The following CDH2 variants were observed in gnomAD, a reference collection of about 807,000 sequenced individuals.
CDH2 encodes the protein cadherin-2.
CDH2 carries 17 observed loss-of-function variants against 92.0 expected under a neutral mutation model. The observed-to-expected ratio is 0.18, with a 90% confidence interval of 0.13 to 0.28. The LOEUF (loss-of-function observed/expected upper bound fraction) is 0.28, where lower values mean the gene tolerates loss of function less well. Among genes scored for constraint, CDH2 ranks in the 10% least tolerant of loss-of-function variants. CDH2 has a pLI of 1.00. For synonymous variants in CDH2, 419 were observed against 415.9 expected (o/e 1.01, Z -0.09); for missense variants, 862 against 1,133.1 (o/e 0.76, Z 3.44).
chr18:27,978,760 C>G (rs893205011), intron 14 of CDH2, among the ~76,000 whole-genome samples: 4 of 152,040 alleles, frequency 2.6e-5, no homozygotes, highest in Non-Finnish European at 4.4e-5. Context: ...TCAAGCAGTC[C>G]TCCTATCTCA....
rs150141832 is a variant in CDH2, at chr18:28,009,800, T to A, written c.619A>T (p.Thr207Ser). Residue 207 changes from threonine (T) to serine (S), a missense_variant, in exon 5 of 16, where the codon ACT (threonine) becomes TCT (serine). Thr to Ser is a moderately conservative substitution (Grantham distance 58, BLOSUM62 1). Coordinates refer to ENST00000269141, the MANE Select transcript of CDH2 (RefSeq NM_001792.5). ...ATGGGGTTGATAATGAAGATACCAG[T>A]TGGAGGCTGGTCAGCTCCTGGCCCA... ...VTGPGADQPPTGIFIINPISG... is the reference protein window; with the variant it reads ...VTGPGADQPPSGIFIINPISG... 3.9e-5 allele frequency: 63 copies of A among 1,613,802 alleles called. 1 individual carries two copies. The highest frequency in any genetic ancestry group is 3.3e-4 in the Middle Eastern group (2 of 6,022).
rs547160014 is a variant in CDH2, at chr18:28,072,509, G to A, written c.173-58600C>T. ...GTAATCATGCACTTGTTAACTATCT[G>A]TCCCACTAGTTCCTTCAGGTCATGG... is the stretch of plus-strand genomic sequence containing the variant. On this transcript the variant is annotated intron_variant, in intron 2 of 15. Transcript: ENST00000269141. 3.9e-4 allele frequency among the ~76,000 whole-genome samples: 60 copies of A among 152,216 alleles called. 3 individuals carry two copies. In the South Asian group the frequency reaches 0.012, roughly 31 times the overall value.
At chr18:28,106,304 C>A (rs2015320129) in intron 2 of CDH2, among the ~76,000 whole-genome samples, 1 of 152,158 alleles carries the variant, frequency 6.6e-6, no homozygotes, top group Non-Finnish European at 1.5e-5. Flanking sequence ...GTAGTCCCAG[C>A]TACTCAGGAG....
At chr18:28,147,850 T>C in intron 1 of CDH2, 66 bp from the exon 2 acceptor site, 1 of 899,496 alleles carries the variant, frequency 1.1e-6, no homozygotes, top group South Asian at 1.5e-5. Context: ...TGAGAAACAT[T>C]CCACTTGGCA....
chr18:28,052,762 A>T (rs1438032102), intron 2 of CDH2, among the ~76,000 whole-genome samples: 1 of 152,210 alleles, frequency 6.6e-6, no homozygotes, highest in Non-Finnish European at 1.5e-5. Flanking sequence ...CATTGAAACA[A>T]GATGCCTTGT....
chr18:28,122,817 T>C (rs945156229), intron 2 of CDH2, among the ~76,000 whole-genome samples: 1 of 152,184 alleles, frequency 6.6e-6, no homozygotes, highest in Non-Finnish European at 1.5e-5. Flanking sequence ...ATAAACATTT[T>C]CTTAAAACAC....
chr18:27,940,967 G>A (rs900740131), intron 6 of CDH2, among the ~76,000 whole-genome samples: 4 of 150,618 alleles, frequency 2.7e-5, no homozygotes, highest in Non-Finnish European at 4.4e-5. Context: ...AGATAGCTAA[G>A]TATTGGCTTT....
intron 2 of CDH2, among the ~76,000 whole-genome samples, chr18:28,064,574 G>A (rs2014469951): frequency 6.6e-6 from 1 of 151,504 alleles, no homozygotes; most frequent in Admixed American, 6.6e-5. Context: ...TAGGTATAGA[G>A]ACTAAAACAG....
intron 2 of CDH2, among the ~76,000 whole-genome samples, chr18:28,107,859 G>A (rs2015348256): frequency 6.6e-6 from 1 of 151,962 alleles, no homozygotes; most frequent in African/African-American, 2.4e-5. Context: ...TAGTCTAGCG[G>A]AAAAGAAAAG....
chr18:27,992,906 G>T, intron 8 of CDH2, 66 bp from the exon 9 acceptor site: 2 of 1,207,578 alleles, frequency 1.7e-6, no homozygotes, highest in Non-Finnish European at 2.3e-6. Context: ...TTGTCTTGAT[G>T]ACCACACCGT....
chr18:27,953,625 G>C (rs1337930396), intron 15 of CDH2, among the ~76,000 whole-genome samples: 1 of 143,510 alleles, frequency 7.0e-6, no homozygotes, highest in East Asian at 2.1e-4. Flanking sequence ...GGTTACAAAG[G>C]AGAAACAGGG....
chr18:28,111,877 AAAC>A (rs1482246622), intron 2 of CDH2, among the ~76,000 whole-genome samples: 1 of 152,210 alleles, frequency 6.6e-6, no homozygotes, highest in Non-Finnish European at 1.5e-5. Context: ...AAAAAAATGT[AAAC>A]AGTTTAAACT....
intron 2 of CDH2, among the ~76,000 whole-genome samples, chr18:28,136,751 G>T (rs1489081575): frequency 6.6e-6 from 1 of 152,092 alleles, no homozygotes; most frequent in Non-Finnish European, 1.5e-5. Flanking sequence ...GAACATAACT[G>T]AAGATAATCT....
chr18:27,966,782 A>G (rs560827083), intron 14 of CDH2, among the ~76,000 whole-genome samples: 2 of 152,274 alleles, frequency 1.3e-5, no homozygotes, highest in South Asian at 2.1e-4. Context: ...TTTTCCTACT[A>G]TCTTAAGAAC....
At chr18:28,118,147 T>C (rs1474209677) in intron 2 of CDH2, among the ~76,000 whole-genome samples, 1 of 151,830 alleles carries the variant, frequency 6.6e-6, no homozygotes. Context: ...ATCCATACAA[T>C]AAAACCGAAT....
rs979987778 is a variant in CDH2 at position 28,031,637 on chromosome 18, T to C, written c.173-17728A>G. 7.2e-5 allele frequency among the ~76,000 whole-genome samples: 11 copies of C among 152,048 alleles called. 1 individual carries two copies. Among genetic ancestry groups the C allele is most frequent in the Non-Finnish European group, 2.9e-5 (2 of 67,996 alleles). ...CTAAATTGGGTCCTGCTTCAGGGCC[T>C]TGTTTGTATATTTGAAATACTGAAC... On this transcript the variant is annotated intron_variant, in intron 2 of 15. Transcript: ENST00000269141.
chr18:27,999,885 G>A (rs1322902079), intron 7 of CDH2, among the ~76,000 whole-genome samples: 2 of 151,860 alleles, frequency 1.3e-5, no homozygotes, highest in East Asian at 1.9e-4. Flanking sequence ...CCCCCATACT[G>A]TTCTCATGAT....
chr18:28,099,737 T>G (rs2015196220), intron 2 of CDH2, among the ~76,000 whole-genome samples: 1 of 152,002 alleles, frequency 6.6e-6, no homozygotes, highest in African/African-American at 2.4e-5. Context: ...TAAGAAAAAT[T>G]GAGAGACAGT....
In CDH2 at chr18:27,993,476, G is replaced by C. The variant is rs199926221; in HGVS notation, c.1158+24C>G. On this transcript the variant is annotated intron_variant, in intron 8 of 15. Coordinates refer to ENST00000269141, the MANE Select transcript of CDH2 (RefSeq NM_001792.5). ...AGTAACGAACTACAGACCCAAAGTTGTGTGAGTGACAGGCTGTACTCACCG... is the reference window on the plus strand; with the variant it reads ...AGTAACGAACTACAGACCCAAAGTTCTGTGAGTGACAGGCTGTACTCACCG... 220 of 1,605,232 alleles carry C rather than the reference G, an allele frequency of 1.4e-4. 4 individuals are homozygous for C. In the South Asian group the frequency reaches 2.1e-3, roughly 15 times the overall value.
Sources: gnomAD v4.1 joint callset for allele counts (sites outside exome capture counted in the v4.1 genomes callset) on GRCh38, gnomAD v4.1.1 for gene constraint, MANE v1.5 for transcripts, NCBI Gene and HGNC (gene_info 2026-07-23, HGNC 2026-07-21) for gene names.